Variants in FNTA observed in about 807,000 individuals in gnomAD.
The protein encoded by FNTA is farnesyltransferase, CAAX box, subunit alpha, also known as protein farnesyltransferase/geranylgeranyltransferase type-1 subunit alpha.
FNTA carries 27 observed loss-of-function variants against 55.2 expected under a neutral mutation model. That is an observed-to-expected ratio of 0.49 (90% CI 0.36 to 0.67). The LOEUF (loss-of-function observed/expected upper bound fraction) is 0.67, where lower values mean the gene tolerates loss of function less well. Ranked by LOEUF, FNTA falls within the 30% of genes least tolerant of loss-of-function variation. FNTA has a pLI of 0.00. For synonymous variants in FNTA, 176 were observed against 170.7 expected (o/e 1.03, Z -0.24); for missense variants, 422 against 464.7 (o/e 0.91, Z 0.85).
At position 43,084,807 on chromosome 8, in the gene FNTA, C is replaced by T. The variant is rs763055311; in HGVS notation, c.943C>T (p.Leu315Phe). Residue 315 changes from leucine to phenylalanine, a missense_variant, in exon 8 of 9, where the codon CTT (leucine) becomes TTT (phenylalanine). This residue lies in a region of FNTA where 262 missense variants were observed against 343.1 expected (regional missense o/e 0.76). Transcript: ENST00000302279. The stretch of plus-strand genomic sequence containing the variant: ...TAGTTCCCCCTACCTAATTGCCTTT[C>T]TTGTGGATATCTATGAAGACATGCT... ...SHSSPYLIAF[L>F]VDIYEDMLEN... The T allele has an allele frequency of 1.2e-6, 2 of 1,613,790 alleles. No individual in the cohort carries two copies. Among genetic ancestry groups the T allele is most frequent in the Admixed American group, 1.7e-5 (1 of 59,992 alleles).
chr8:43,058,990 T>C, intron 1 of FNTA, 102 bp from the exon 2 acceptor site: 1 of 822,054 alleles, frequency 1.2e-6, no homozygotes, highest in Non-Finnish European at 1.9e-6. Flanking sequence ...CTGTAAGTTA[T>C]TAATATCAAT....
At chr8:43,062,894 G>C (rs1563325948) in intron 2 of FNTA, among the ~76,000 whole-genome samples, 1 of 152,148 alleles carries the variant, frequency 6.6e-6, no homozygotes, top group Non-Finnish European at 1.5e-5. Context: ...ATTGCAAGTA[G>C]TGGGTCACCA....
chr8:43,066,459 C>T (rs1810661680), intron 3 of FNTA, among the ~76,000 whole-genome samples: 1 of 147,324 alleles, frequency 6.8e-6, no homozygotes, highest in Non-Finnish European at 1.5e-5. Flanking sequence ...TGGGGTTTCA[C>T]CGTGTTAGCC....
chr8:43,060,698 C>T (rs1053123284), intron 2 of FNTA, among the ~76,000 whole-genome samples: 1 of 150,584 alleles, frequency 6.6e-6, no homozygotes, highest in Non-Finnish European at 1.5e-5. Flanking sequence ...AAAAAATTAA[C>T]TTTGTGAATT....
At chr8:43,072,133 T>C in intron 4 of FNTA, 48 bp from the exon 5 acceptor site, 1 of 1,388,346 alleles carries the variant, frequency 7.2e-7, no homozygotes, top group Non-Finnish European at 9.5e-7. Flanking sequence ...GATATTTTAG[T>C]TCATGGGTAA....
chr8:43,068,102 A>G (rs1340702477), intron 3 of FNTA, among the ~76,000 whole-genome samples: 1 of 152,136 alleles, frequency 6.6e-6, no homozygotes, highest in Non-Finnish European at 1.5e-5. Context: ...GTGTTTCACC[A>G]TGTTAGCCAG....
At chr8:43,065,983 TC>T (rs777230443) in intron 3 of FNTA, among the ~76,000 whole-genome samples, 4 of 151,376 alleles carry the variant, frequency 2.6e-5, no homozygotes, top group Non-Finnish European at 4.4e-5. Flanking sequence ...TGAGAAGATT[TC>T]CATTCCTTTG....
At chr8:43,067,937 T>C (rs1810698998) in intron 3 of FNTA, among the ~76,000 whole-genome samples, 1 of 152,176 alleles carries the variant, frequency 6.6e-6, no homozygotes, top group Non-Finnish European at 1.5e-5. Context: ...TCTTGCTCTG[T>C]CGCCCAGGCT....
rs1040636947 is a variant in FNTA, at chr8:43,069,412, G to A, written c.402-143G>A. On this transcript the variant is annotated intron_variant, in intron 3 of 8. Transcript: ENST00000302279. ...TGGGATTACAAGCATGAGCCACCGT[G>A]CTTGGCCTATAATTGTTAAATTATA... 5 of 589,332 alleles carry A rather than the reference G, an allele frequency of 8.5e-6. No individual in the cohort carries two copies. The Admixed American group carries it at 8.7e-5, about 10-fold the overall frequency. 36.5% of individuals were successfully genotyped at this position (589,332 alleles called of 1,614,324 possible).
chr8:43,068,431 C>T (rs1262428142), intron 3 of FNTA, among the ~76,000 whole-genome samples: 2 of 152,182 alleles, frequency 1.3e-5, no homozygotes, highest in Non-Finnish European at 2.9e-5. Flanking sequence ...GTTAAAACTC[C>T]ACCTATGGGG....
chr8:43,066,586 T>TTGTGTG (rs772967741), intron 3 of FNTA, among the ~76,000 whole-genome samples: 14 of 41,834 alleles, frequency 3.3e-4, no homozygotes, highest in South Asian at 7.8e-4. Flanking sequence ...ATAGCATCGT[T>TTGTGTG]CGTGTGTGTG....
chr8:43,072,201 T>C lies in FNTA; in HGVS notation c.527T>C (p.Val176Ala), dbSNP rs1810808142. ...TTTAGGCATCATAGGCGAGTATTAG[T>C]GGAATGGCTAAGAGATCCATCTCAG... ...YQVWHHRRVL[V>A]EWLRDPSQEL... is the part of the protein sequence containing the mutation. The change falls in exon 5 of 9, where the codon GTG becomes GCG. Residue 176 changes from valine (V) to alanine (A), a missense_variant. This residue lies in a region of FNTA where 262 missense variants were observed against 343.1 expected (regional missense o/e 0.76). Coordinates refer to ENST00000302279, the MANE Select transcript of FNTA (RefSeq NM_002027.3). The C allele has an allele frequency of 6.4e-7, 1 of 1,562,262 alleles. No individual in the cohort carries two copies.
intron 2 of FNTA, among the ~76,000 whole-genome samples, chr8:43,063,810 C>T (rs1472160035): frequency 6.6e-6 from 1 of 152,008 alleles, no homozygotes; most frequent in Non-Finnish European, 1.5e-5. Context: ...TATATGCAAC[C>T]CTAATTTTTC....
intron 2 of FNTA, among the ~76,000 whole-genome samples, chr8:43,062,396 C>T (rs1416081145): frequency 1.3e-5 from 2 of 151,964 alleles, no homozygotes; most frequent in Non-Finnish European, 2.9e-5. Context: ...ATTCTCGTGC[C>T]TCAGCCTTCT....
chr8:43,081,895 A>T (rs958513536), intron 6 of FNTA: 2 of 152,182 alleles, frequency 1.3e-5, no homozygotes, highest in Non-Finnish European at 2.9e-5. Context: ...AAAATAGGTA[A>T]TGCTTTAGTA....
Position 43,085,111 on chromosome 8 carries a change from G to A in FNTA, c.1018-49G>A, listed in dbSNP as rs763205131. 313 of 1,433,556 alleles carry A rather than the reference G, an allele frequency of 2.2e-4. 1 individual carries two copies. Among genetic ancestry groups the A allele is most frequent in the South Asian group, 1.5e-3 (117 of 77,442 alleles). 88.8% of individuals were successfully genotyped at this position (1,433,556 alleles called of 1,614,324 possible). A position where few individuals can be genotyped will look rare whatever the true frequency, so the allele number is the denominator to read the frequency against. On this transcript the variant is annotated intron_variant, in intron 8 of 8. Transcript: ENST00000302279. Reference sequence around the variant, plus strand: ...ATTGTATTGGCTCAAAGGCATTTGCGCTTGAAATTGAATTACATATTACTT... The same window carrying A: ...ATTGTATTGGCTCAAAGGCATTTGCACTTGAAATTGAATTACATATTACTT...
chr8:43,063,199 G>C, intron 2 of FNTA: 2 of 450,150 alleles, frequency 4.4e-6, no homozygotes, highest in South Asian at 3.1e-5. Flanking sequence ...TCCTACCTCT[G>C]CCTCCCGAGT....
intron 3 of FNTA, among the ~76,000 whole-genome samples, chr8:43,064,801 T>TAA (rs1810616256): frequency 6.6e-6 from 1 of 151,866 alleles, no homozygotes. Context: ...TAACTGTTAT[T>TAA]ATTTTTTCAT....
Position 43,085,296 on chromosome 8 carries a change from A to G in FNTA, c.*14A>G. 6.3e-7 allele frequency: 1 copy of G among 1,596,762 alleles called. No homozygotes were observed. The highest frequency in any genetic ancestry group is 8.5e-7 in the Non-Finnish European group (1 of 1,176,004). ...GTACAGCAATAACACCATCCAGAAG[A>G]ACTTGATGGAATGCTTTTATTTTTT... On this transcript the variant is annotated 3_prime_UTR_variant, in exon 9 of 9. Coordinates refer to ENST00000302279, the MANE Select transcript of FNTA (RefSeq NM_002027.3).
Sources: allele counts gnomAD v4.1 joint callset (sites outside exome capture counted in the v4.1 genomes callset), GRCh38; gene constraint gnomAD v4.1.1; regional missense constraint gnomAD v4.1.1; transcripts MANE v1.5; gene names NCBI Gene and HGNC (gene_info 2026-07-23, HGNC 2026-07-21).